SLC44A5: variants seen among roughly 807,000 people sequenced by gnomAD.
SLC44A5 encodes choline transporter-like protein 5.
Under a neutral mutation model 101.8 loss-of-function variants are expected in SLC44A5, and 57 were observed. The observed-to-expected ratio is 0.56, with a 90% CI of 0.45 to 0.70. The LOEUF (loss-of-function observed/expected upper bound fraction) is 0.70, where lower values mean the gene tolerates loss of function less well. Ranked by LOEUF, SLC44A5 falls within the 30% of genes least tolerant of loss-of-function variation. SLC44A5 has a pLI of 0.00. For missense variants in SLC44A5, 737 were observed against 853.1 expected (o/e 0.86, Z 1.70); for synonymous variants, 281 against 290.9 (o/e 0.97, Z 0.35).
chr1:75,307,070 A>G (rs774839880), intron 4 of SLC44A5, among the ~76,000 whole-genome samples: 2 of 152,076 alleles, frequency 1.3e-5, no homozygotes, highest in African/African-American at 4.8e-5. Flanking sequence ...TGAAATTCCA[A>G]TGATATCAAC....
chr1:75,557,968 G>T (rs1672311447), intron 1 of SLC44A5, among the ~76,000 whole-genome samples: 1 of 152,016 alleles, frequency 6.6e-6, no homozygotes, highest in South Asian at 2.1e-4. Flanking sequence ...AACATACGGA[G>T]AAATCCACAG....
intron 1 of SLC44A5, among the ~76,000 whole-genome samples, chr1:75,570,684 G>GA (rs1673027732): frequency 6.6e-6 from 1 of 152,066 alleles, no homozygotes; most frequent in African/African-American, 2.4e-5. Flanking sequence ...GGCTTTCACA[G>GA]AAAAAAATTT....
the SLC44A5 span, among the ~76,000 whole-genome samples, chr1:75,649,426 A>C: frequency 1.3e-5 from 2 of 152,196 alleles, no homozygotes; most frequent in East Asian, 1.9e-4. Context: ...AGTTCTGTGA[A>C]TAGCTAGAAG....
chr1:75,449,660 C>T (rs955415475), intron 2 of SLC44A5, among the ~76,000 whole-genome samples: 1 of 152,070 alleles, frequency 6.6e-6, no homozygotes, highest in Non-Finnish European at 1.5e-5. Context: ...AGATCTAAGA[C>T]GAGTGGTTTT....
intron 3 of SLC44A5, among the ~76,000 whole-genome samples, chr1:75,362,672 T>C (rs1488392752): frequency 1.3e-5 from 2 of 152,068 alleles, no homozygotes; most frequent in African/African-American, 2.4e-5. Context: ...ATACTTATGA[T>C]TTCACTCCTC....
At chr1:75,664,624 A>G in the SLC44A5 span, among the ~76,000 whole-genome samples, 1 of 152,178 alleles carries the variant, frequency 6.6e-6, no homozygotes. Context: ...AGATTTCTAT[A>G]AAGAGAACTA....
At chr1:75,399,974 A>G (rs1007701415) in intron 2 of SLC44A5, among the ~76,000 whole-genome samples, 1 of 152,240 alleles carries the variant, frequency 6.6e-6, no homozygotes, top group South Asian at 2.1e-4. Flanking sequence ...AATGTGGTAC[A>G]TACACAACCA....
intron 5 of SLC44A5, among the ~76,000 whole-genome samples, chr1:75,289,637 A>G (rs926242257): frequency 2.0e-5 from 3 of 152,232 alleles, no homozygotes; most frequent in African/African-American, 7.2e-5. Context: ...AAACACATAC[A>G]TGAAAAAGTC....
the SLC44A5 span, chr1:75,641,323 G>A: frequency 1.5e-6 from 1 of 683,704 alleles, no homozygotes; most frequent in Non-Finnish European, 2.6e-6. Flanking sequence ...AGATGTTGGT[G>A]GTGCAAAACA....
At chr1:75,374,426 C>G (rs1660432938) in intron 3 of SLC44A5, among the ~76,000 whole-genome samples, 1 of 152,162 alleles carries the variant, frequency 6.6e-6, no homozygotes, top group Admixed American at 6.5e-5. Flanking sequence ...ACAGACCACA[C>G]CTAAGAAGGT....
intron 2 of SLC44A5, among the ~76,000 whole-genome samples, chr1:75,465,142 C>T (rs913091651): frequency 6.6e-6 from 1 of 152,046 alleles, no homozygotes; most frequent in Non-Finnish European, 1.5e-5. Context: ...TGTTAGGTCA[C>T]AAAACTAGTC....
chr1:75,375,588 G>C (rs1442878792), intron 3 of SLC44A5, among the ~76,000 whole-genome samples: 1 of 152,138 alleles, frequency 6.6e-6, no homozygotes, highest in Non-Finnish European at 1.5e-5. Flanking sequence ...CTGTAGAAAA[G>C]GGTCATATCA....
chr1:75,476,978 G>C (rs1296425923), intron 2 of SLC44A5, among the ~76,000 whole-genome samples: 1 of 152,236 alleles, frequency 6.6e-6, no homozygotes, highest in Non-Finnish European at 1.5e-5. Flanking sequence ...CCTGACCCCT[G>C]AGCAGCCTAA....
intron 1 of SLC44A5, among the ~76,000 whole-genome samples, chr1:75,555,131 C>G (rs1174915253): frequency 1.3e-5 from 2 of 152,044 alleles, no homozygotes; most frequent in Non-Finnish European, 1.5e-5. Flanking sequence ...CATGGTTGAA[C>G]CTCACAGATA....
chr1:75,644,214 C>T, the SLC44A5 span, among the ~76,000 whole-genome samples: 1 of 152,072 alleles, frequency 6.6e-6, no homozygotes, highest in Non-Finnish European at 1.5e-5. Context: ...TTAGCATATG[C>T]ATTGTTTTAT....
intron 1 of SLC44A5, among the ~76,000 whole-genome samples, chr1:75,542,840 C>T (rs1671429907): frequency 6.6e-6 from 1 of 152,112 alleles, no homozygotes; most frequent in Non-Finnish European, 1.5e-5. Flanking sequence ...CTGAAAACAA[C>T]ATATCTCTTT....
chr1:75,335,664 A>C (rs2101017399), intron 4 of SLC44A5, among the ~76,000 whole-genome samples: 1 of 152,310 alleles, frequency 6.6e-6, no homozygotes, highest in Non-Finnish European at 1.5e-5. Flanking sequence ...GATTGAATAA[A>C]TGTATCATCA....
the SLC44A5 span, among the ~76,000 whole-genome samples, chr1:75,689,035 T>G: frequency 6.6e-6 from 1 of 152,184 alleles, no homozygotes; most frequent in Non-Finnish European, 1.5e-5. Context: ...TTTGTATTCC[T>G]TTGCACCCTG....
intron 2 of SLC44A5, among the ~76,000 whole-genome samples, chr1:75,408,592 G>A (rs572146788): frequency 3.9e-5 from 6 of 151,950 alleles, no homozygotes; most frequent in Non-Finnish European, 7.4e-5. Flanking sequence ...ATCATTCTCA[G>A]CAAACTAACA....
Sources: allele counts gnomAD v4.1 joint callset (sites outside exome capture counted in the v4.1 genomes callset), GRCh38; gene constraint gnomAD v4.1.1; transcripts MANE v1.5; gene names NCBI Gene and HGNC (gene_info 2026-07-23, HGNC 2026-07-21).